The following CSGALNACT1 variants were observed in gnomAD, a reference collection of about 807,000 sequenced individuals.
CSGALNACT1 encodes the protein beta4GalNAcT-1.
Under a neutral mutation model 51.0 loss-of-function variants are expected in CSGALNACT1, and 52 were observed. The observed-to-expected ratio is 1.02, with a 90% CI of 0.82 to 1.29. The LOEUF is 1.29. Ranked by LOEUF, CSGALNACT1 falls within the 50% of genes most tolerant of loss-of-function variation. The probability of loss-of-function intolerance (pLI) is 0.00; values close to 1 mark genes in which losing one functional copy is unlikely to be tolerated. For synonymous variants in CSGALNACT1, 341 were observed against 254.4 expected (o/e 1.34, Z -3.24); for missense variants, 935 against 679.2 (o/e 1.38, Z -4.19).
chr8:19,483,150 C>T (rs1397074600), intron 4 of CSGALNACT1, among the ~76,000 whole-genome samples: 3 of 152,188 alleles, frequency 2.0e-5, no homozygotes, highest in Non-Finnish European at 4.4e-5. Flanking sequence ...AAGCTGGTAA[C>T]GTCTCAGCCT....
At chr8:19,425,487 G>C (rs975239760) in intron 6 of CSGALNACT1, among the ~76,000 whole-genome samples, 8 of 152,142 alleles carry the variant, frequency 5.3e-5, no homozygotes, top group African/African-American at 1.4e-4. Context: ...GATTTACTGA[G>C]CATGAGGCAA....
intron 3 of CSGALNACT1, among the ~76,000 whole-genome samples, chr8:19,557,997 AG>A (rs1249854775): frequency 1.3e-5 from 2 of 152,248 alleles, no homozygotes; most frequent in African/African-American, 4.8e-5. Context: ...AAACAAATAC[AG>A]TCCCAACTCT....
At chr8:19,504,664 T>C (rs574869788) in intron 4 of CSGALNACT1, among the ~76,000 whole-genome samples, 1 of 152,338 alleles carries the variant, frequency 6.6e-6, no homozygotes, top group East Asian at 1.9e-4. Flanking sequence ...ACATGGACTC[T>C]GGAGTTAAGA....
chr8:19,526,084 G>A (rs183780790), intron 3 of CSGALNACT1, among the ~76,000 whole-genome samples: 1 of 152,092 alleles, frequency 6.6e-6, no homozygotes. Context: ...AAAGGAAAAG[G>A]CTGCCCAGCT....
At chr8:19,500,888 G>T (rs1191618427) in intron 4 of CSGALNACT1, among the ~76,000 whole-genome samples, 1 of 152,182 alleles carries the variant, frequency 6.6e-6, no homozygotes, top group Non-Finnish European at 1.5e-5. Context: ...GCCCAGGCAG[G>T]TTCAGTTGTC....
In CSGALNACT1 at chr8:19,418,513, G is replaced by A. The variant is rs1269712316; in HGVS notation, c.1227+143C>T. On this transcript the variant is annotated intron_variant, in intron 8 of 9. Transcript: ENST00000454498. ...TAATCAACGAGGCGCCGGGAGCAGA[G>A]GCCAGCACATCTGCCAAACGTAAAA... 53 of 713,610 alleles carry A rather than the reference G, an allele frequency of 7.4e-5. No homozygotes were observed. The Admixed American group carries it at 1.1e-3, about 14-fold the overall frequency. The allele number at this position is 713,610 out of a possible 1,614,324, so 44.2% of individuals were successfully genotyped here. A position where few individuals can be genotyped will look rare whatever the true frequency, so the allele number is the denominator to read the frequency against.
intron 6 of CSGALNACT1, among the ~76,000 whole-genome samples, chr8:19,423,218 A>G (rs565621756): frequency 1.3e-5 from 2 of 152,360 alleles, no homozygotes; most frequent in South Asian, 4.1e-4. Flanking sequence ...TGCGACATCA[A>G]GAATCTCCCC....
chr8:19,521,608 G>A (rs975827611), intron 3 of CSGALNACT1, among the ~76,000 whole-genome samples: 1 of 147,434 alleles, frequency 6.8e-6, no homozygotes, highest in Non-Finnish European at 1.5e-5. Context: ...GCTTGTACAT[G>A]GGAGGCGGAG....
At chr8:19,447,789 G>C (rs1159770994) in intron 5 of CSGALNACT1, among the ~76,000 whole-genome samples, 1 of 152,230 alleles carries the variant, frequency 6.6e-6, no homozygotes, top group Non-Finnish European at 1.5e-5. Flanking sequence ...CACACCCCTA[G>C]GGTGGGTCCT....
intron 1 of CSGALNACT1, among the ~76,000 whole-genome samples, chr8:19,747,711 G>A (rs956538993): frequency 2.0e-5 from 3 of 151,976 alleles, no homozygotes; most frequent in Non-Finnish European, 2.9e-5. Flanking sequence ...TATGGATTAA[G>A]AACTTGCCCA....
chr8:19,474,651 T>C (rs554739518), intron 4 of CSGALNACT1, among the ~76,000 whole-genome samples: 37 of 151,962 alleles, frequency 2.4e-4, no homozygotes, highest in African/African-American at 8.7e-4. Flanking sequence ...GGTGGATCAA[T>C]TGAGGTCGGG....
At chr8:19,442,910 G>C (rs942369583) in intron 5 of CSGALNACT1, among the ~76,000 whole-genome samples, 2 of 152,080 alleles carry the variant, frequency 1.3e-5, no homozygotes, top group Non-Finnish European at 2.9e-5. Flanking sequence ...CCAATGTTAT[G>C]ACTATCTGAG....
At chr8:19,569,126 A>G (rs117802572) in intron 3 of CSGALNACT1, among the ~76,000 whole-genome samples, 4,418 of 152,318 alleles carry the variant, frequency 0.029, 101 homozygotes, top group Non-Finnish European at 0.042. Flanking sequence ...ACAGATATGG[A>G]GTACACAGTG....
chr8:19,732,195 G>A (rs1107613), intron 1 of CSGALNACT1, among the ~76,000 whole-genome samples: 17,164 of 152,138 alleles, frequency 0.11, 1,352 homozygotes, highest in East Asian at 0.35. Flanking sequence ...CTAGCATAAC[G>A]GTTGTGTTTC....
intron 3 of CSGALNACT1, among the ~76,000 whole-genome samples, chr8:19,529,379 C>A (rs2082307619): frequency 2.0e-5 from 3 of 152,104 alleles, no homozygotes. Flanking sequence ...TGGGCCTTGA[C>A]CACTACTGGG....
intron 4 of CSGALNACT1, among the ~76,000 whole-genome samples, chr8:19,458,978 T>C (rs751563327): frequency 3.3e-5 from 5 of 152,198 alleles, no homozygotes; most frequent in Non-Finnish European, 7.3e-5. Context: ...AGAGTGGGAT[T>C]ATGTGTTTTT....
intron 3 of CSGALNACT1, among the ~76,000 whole-genome samples, chr8:19,554,525 G>C (rs961989065): frequency 2.2e-5 from 1 of 45,746 alleles, no homozygotes; most frequent in Non-Finnish European, 3.9e-5. Context: ...CTAAAAATGC[G>C]ATGCAACCAT....
At chr8:19,433,122 A>G (rs948726472) in intron 6 of CSGALNACT1, among the ~76,000 whole-genome samples, 2 of 152,188 alleles carry the variant, frequency 1.3e-5, no homozygotes, top group South Asian at 2.1e-4. Flanking sequence ...CTAATTCTAT[A>G]AAGTCTCAAT....
intron 3 of CSGALNACT1, among the ~76,000 whole-genome samples, chr8:19,523,221 G>A (rs28738093): frequency 0.015 from 2,287 of 152,210 alleles, 63 homozygotes; most frequent in African/African-American, 0.052. Flanking sequence ...TATAGGAAAG[G>A]TGGCATGTAA....
Sources: gnomAD v4.1 joint callset for allele counts (sites outside exome capture counted in the v4.1 genomes callset) on GRCh38, gnomAD v4.1.1 for gene constraint, MANE v1.5 for transcripts, NCBI Gene and HGNC (gene_info 2026-07-23, HGNC 2026-07-21) for gene names.